The following USP10 variants were observed in gnomAD, a reference collection of about 807,000 sequenced individuals.
The protein encoded by USP10 is ubiquitin carboxyl-terminal hydrolase 10.
A neutral mutation model predicts 84.5 loss-of-function variants in USP10; 22 were observed. That is an observed-to-expected ratio of 0.26 (90% CI 0.19 to 0.37). The LOEUF (loss-of-function observed/expected upper bound fraction) is 0.37, where lower values mean the gene tolerates loss of function less well. Among genes scored for constraint, USP10 ranks in the 10% least tolerant of loss-of-function variants. The pLI, the probability that USP10 is intolerant of heterozygous loss-of-function variation, is 1.00. For synonymous variants in USP10, 454 were observed against 387.6 expected (o/e 1.17, Z -2.01); for missense variants, 1,019 against 998.9 (o/e 1.02, Z -0.27).
At position 84,778,939 on chromosome 16, in the gene USP10, A is replaced by G; in HGVS notation, c.2254A>G (p.Thr752Ala). Residue 752 changes from threonine (T) to alanine (A), a missense_variant, in exon 14 of 14, where the codon ACA (threonine) becomes GCA (alanine). Physicochemically the swap from Thr to Ala is moderately conservative, Grantham distance 58. This residue lies in a region of USP10 where 232 missense variants were observed against 290.1 expected (regional missense o/e 0.80). Coordinates refer to ENST00000219473, the MANE Select transcript of USP10 (RefSeq NM_005153.3). ...GNSATGGHYTTDVFQIGLNGW... is the reference protein window; with the variant it reads ...GNSATGGHYTADVFQIGLNGW... ...CAGTGCGACGGGCGGCCATTACACT[A>G]CAGACGTCTTCCAGATCGGTCTGAA... 2.5e-6 allele frequency: 4 copies of G among 1,613,948 alleles called. No individual in the cohort carries two copies. The highest frequency in any genetic ancestry group is 3.4e-6 in the Non-Finnish European group (4 of 1,179,878).
At chr16:84,741,009 A>G (rs1332935542) in intron 3 of USP10, among the ~76,000 whole-genome samples, 5 of 152,212 alleles carry the variant, frequency 3.3e-5, no homozygotes, top group Non-Finnish European at 7.3e-5. Context: ...GCACAATTCA[A>G]ACTTGTCGAG....
chr16:84,730,776 T>G (rs1369633870), intron 1 of USP10, among the ~76,000 whole-genome samples: 1 of 152,160 alleles, frequency 6.6e-6, no homozygotes, highest in Non-Finnish European at 1.5e-5. Context: ...AATAAGAAAG[T>G]GTGCTTAGAA....
At chr16:84,706,685 T>C (rs1012310914) in intron 1 of USP10, among the ~76,000 whole-genome samples, 2 of 151,706 alleles carry the variant, frequency 1.3e-5, no homozygotes, top group African/African-American at 4.8e-5. Context: ...GGAATACAGG[T>C]GTGCGCCACC....
chr16:84,761,564 A>G (rs943918258), intron 8 of USP10, among the ~76,000 whole-genome samples: 11 of 152,364 alleles, frequency 7.2e-5, no homozygotes, highest in Admixed American at 7.2e-4. Flanking sequence ...CTACTCCAGC[A>G]CCAGACTGTG....
intron 2 of USP10, among the ~76,000 whole-genome samples, chr16:84,734,522 T>C (rs965792840): frequency 2.0e-5 from 3 of 152,232 alleles, no homozygotes; most frequent in Admixed American, 1.3e-4. Context: ...TCTTTGGTTT[T>C]ACAGGCATCT....
intron 1 of USP10, among the ~76,000 whole-genome samples, chr16:84,717,628 GCCAC>G (rs1907216286): frequency 6.6e-6 from 1 of 152,160 alleles, no homozygotes; most frequent in Non-Finnish European, 1.5e-5. Context: ...GTAGGAGGAG[GCCAC>G]TACCTAGGTT....
intron 1 of USP10, among the ~76,000 whole-genome samples, chr16:84,728,394 C>G (rs937122115): frequency 2.0e-5 from 3 of 150,690 alleles, no homozygotes; most frequent in Non-Finnish European, 4.4e-5. Flanking sequence ...GGCTGGAGTT[C>G]AGTGGTGCGA....
intron 13 of USP10, among the ~76,000 whole-genome samples, chr16:84,776,833 G>A (rs1915073943): frequency 6.6e-6 from 1 of 152,126 alleles, no homozygotes; most frequent in African/African-American, 2.4e-5. Flanking sequence ...ATTTTTTTGA[G>A]ATAGAGTTTT....
At chr16:84,704,258 G>A (rs903832401) in intron 1 of USP10, among the ~76,000 whole-genome samples, 2 of 152,216 alleles carry the variant, frequency 1.3e-5, no homozygotes, top group Non-Finnish European at 2.9e-5. Flanking sequence ...AAACGTGGTT[G>A]CTGAGGACAC....
chr16:84,762,033 C>T (rs1913267575), intron 8 of USP10, among the ~76,000 whole-genome samples: 1 of 152,202 alleles, frequency 6.6e-6, no homozygotes, highest in African/African-American at 2.4e-5. Context: ...ATTTGCAGGG[C>T]CTTGGAATAG....
intron 9 of USP10, 102 bp downstream of exon 9, chr16:84,763,190 C>G: frequency 1.6e-6 from 1 of 614,662 alleles, no homozygotes; most frequent in Admixed American, 2.6e-5. Context: ...CAGTCGTTTT[C>G]CTTTCAAATA....
At chr16:84,707,367 A>T (rs994139560) in intron 1 of USP10, among the ~76,000 whole-genome samples, 2 of 152,226 alleles carry the variant, frequency 1.3e-5, no homozygotes, top group Non-Finnish European at 2.9e-5. Flanking sequence ...ATTTTAATAA[A>T]GTCGTTTATT....
At position 84,745,316 on chromosome 16, in the gene USP10, A is replaced by G. The variant is rs763890062; in HGVS notation, c.835A>G (p.Thr279Ala). Reference protein sequence around the residue: ...GAQPCVGTDTTENLGVANGQI... With the variant: ...GAQPCVGTDTAENLGVANGQI... Reference sequence around the variant, plus strand: ...TCAGCCCTGCGTTGGTACCGATACTACTGAAAACCTTGGAGTTGCTAATGG... The same window carrying G: ...TCAGCCCTGCGTTGGTACCGATACTGCTGAAAACCTTGGAGTTGCTAATGG... The change falls in exon 4 of 14, where the codon ACT becomes GCT. Residue 279 changes from threonine (T) to alanine (A), a missense_variant. Coordinates refer to ENST00000219473, the MANE Select transcript of USP10 (RefSeq NM_005153.3). 2.2e-5 allele frequency: 36 copies of G among 1,612,956 alleles called. No homozygotes were observed. Among genetic ancestry groups the G allele is most frequent in the Non-Finnish European group, 3.0e-5 (35 of 1,179,724 alleles).
rs756643987 is a variant in USP10 at position 84,778,926 on chromosome 16, C to T, written c.2241C>T (p.Gly747=). The change falls in exon 14 of 14, where the codon GGC becomes GGT. Residue 747 remains glycine (G), a synonymous_variant. Coordinates refer to ENST00000219473, the MANE Select transcript of USP10 (RefSeq NM_005153.3). ...VVYHHGNSAT[G]GHYTTDVFQI... is the part of the protein sequence containing the mutation. ...ACCATCACGGCAACAGTGCGACGGG[C>T]GGCCATTACACTACAGACGTCTTCC... 35 of 1,613,792 alleles carry T rather than the reference C, an allele frequency of 2.2e-5. 2 individuals are homozygous for T. The highest frequency in any genetic ancestry group is 1.2e-4 in the Admixed American group (7 of 60,006).
chr16:84,752,372 A>G (rs73245618), intron 4 of USP10, among the ~76,000 whole-genome samples: 4,900 of 152,302 alleles, frequency 0.032, 235 homozygotes, highest in African/African-American at 0.11. Flanking sequence ...ATGCCCTTAA[A>G]GAAGGTAAAA....
At chr16:84,757,918 C>T (rs1205497111) in intron 4 of USP10, among the ~76,000 whole-genome samples, 1 of 152,134 alleles carries the variant, frequency 6.6e-6, no homozygotes, top group East Asian at 1.9e-4. Flanking sequence ...AAAGAACGTG[C>T]TAAGTGTAGA....
At chr16:84,741,780 T>A (rs1910655222) in intron 3 of USP10, among the ~76,000 whole-genome samples, 2 of 152,198 alleles carry the variant, frequency 1.3e-5, no homozygotes, top group South Asian at 4.1e-4. Flanking sequence ...TCCATGACAT[T>A]AGTTTCTCTT....
intron 10 of USP10, among the ~76,000 whole-genome samples, chr16:84,765,804 GC>G (rs1422448489): frequency 6.6e-6 from 1 of 152,120 alleles, no homozygotes; most frequent in Non-Finnish European, 1.5e-5. Context: ...GAGTCCCTGG[GC>G]ACCTGGCTGT....
chr16:84,712,189 C>G (rs778855922), intron 1 of USP10, among the ~76,000 whole-genome samples: 11 of 152,132 alleles, frequency 7.2e-5, no homozygotes, highest in Non-Finnish European at 1.6e-4. Context: ...TTTGAGGGCC[C>G]TTATACTTTG....
Sources: gnomAD v4.1 joint callset for allele counts (sites outside exome capture counted in the v4.1 genomes callset) on GRCh38, gnomAD v4.1.1 for gene constraint, gnomAD v4.1.1 regional missense constraint, MANE v1.5 for transcripts, NCBI Gene and HGNC (gene_info 2026-07-23, HGNC 2026-07-21) for gene names.